The following MTFR1 variants were observed in gnomAD, a reference collection of about 807,000 sequenced individuals.
MTFR1 encodes the protein mitochondrial fission regulator 1.
Under a neutral mutation model 38.8 loss-of-function variants are expected in MTFR1, and 28 were observed. The ratio of observed to expected loss-of-function variants is 0.72; its 90% confidence interval spans 0.53 to 0.99. The LOEUF (loss-of-function observed/expected upper bound fraction) is 0.99. Among genes scored for constraint, MTFR1 ranks in the 50% least tolerant of loss-of-function variants. The probability of loss-of-function intolerance (pLI) is 0.00; values close to 1 mark genes in which losing one functional copy is unlikely to be tolerated. For missense variants in MTFR1, 358 were observed against 395.5 expected (o/e 0.91, Z 0.81); for synonymous variants, 145 against 137.0 (o/e 1.06, Z -0.41).
intron 1 of MTFR1, among the ~76,000 whole-genome samples, chr8:65,650,689 C>A (rs975398573): frequency 2.0e-5 from 3 of 152,118 alleles, no homozygotes; most frequent in Non-Finnish European, 4.4e-5. Flanking sequence ...TTTTCTTTAT[C>A]CATTTGTCTG....
chr8:65,688,654 C>T (rs1805175053), intron 3 of MTFR1, among the ~76,000 whole-genome samples: 1 of 150,116 alleles, frequency 6.7e-6, no homozygotes, highest in Non-Finnish European at 1.5e-5. Flanking sequence ...CCATGTTAGC[C>T]AGGATGGTCT....
chr8:65,693,853 A>T, intron 4 of MTFR1, 94 bp downstream of exon 4: 1 of 864,982 alleles, frequency 1.2e-6, no homozygotes, highest in South Asian at 1.5e-5. Flanking sequence ...GCCTAATTTT[A>T]TCTCTAGTAA....
chr8:65,651,146 G>A (rs1009697939), intron 1 of MTFR1, among the ~76,000 whole-genome samples: 1 of 152,136 alleles, frequency 6.6e-6, no homozygotes, highest in Non-Finnish European at 1.5e-5. Context: ...TAGATTATTC[G>A]ATTTCTTTCC....
At chr8:65,653,591 C>T (rs917286334) in intron 1 of MTFR1, among the ~76,000 whole-genome samples, 3 of 152,128 alleles carry the variant, frequency 2.0e-5, no homozygotes. Context: ...TGACAAAACT[C>T]ATAAACCAAG....
chr8:65,661,033 A>C (rs556638416), intron 1 of MTFR1, among the ~76,000 whole-genome samples: 1 of 152,354 alleles, frequency 6.6e-6, no homozygotes, highest in East Asian at 1.9e-4. Context: ...CTATGGAGAC[A>C]ATAAAAGGAT....
intron 4 of MTFR1, among the ~76,000 whole-genome samples, chr8:65,694,275 A>G (rs924758165): frequency 1.3e-5 from 2 of 151,842 alleles, no homozygotes; most frequent in South Asian, 2.1e-4. Flanking sequence ...GGGTTTCGCC[A>G]TGTTAGCCAG....
At chr8:65,678,014 C>CA (rs1328897906) in intron 2 of MTFR1, among the ~76,000 whole-genome samples, 9,807 of 78,074 alleles carry the variant, frequency 0.13, 446 homozygotes, top group African/African-American at 0.19. Flanking sequence ...GACTCTGTCT[C>CA]AAAAAAAAAA....
chr8:65,707,804 T>C (rs756806680), intron 6 of MTFR1, 39 bp from the exon 7 acceptor site: 14 of 1,601,410 alleles, frequency 8.7e-6, no homozygotes, highest in Non-Finnish European at 1.2e-5. Context: ...GTGGCCAGTG[T>C]ATTGATCTGT....
chr8:65,764,806 CAT>C (rs2128916638), intron 3 of MTFR1, among the ~76,000 whole-genome samples: 1 of 152,276 alleles, frequency 6.6e-6, no homozygotes, highest in Non-Finnish European at 1.5e-5. Context: ...ATCAAATACA[CAT>C]GAGGAACTAA....
intron 2 of MTFR1, among the ~76,000 whole-genome samples, chr8:65,672,354 A>G (rs960305333): frequency 6.6e-6 from 1 of 152,200 alleles, no homozygotes; most frequent in Non-Finnish European, 1.5e-5. Context: ...TCAAGATTTT[A>G]TATTTGGGCA....
At chr8:65,775,938 T>C (rs1809248891), downstream of MTFR1, among the ~76,000 whole-genome samples, 1 of 152,202 alleles carries the variant, frequency 6.6e-6, no homozygotes, top group African/African-American at 2.4e-5. Context: ...TCTTCCCTTT[T>C]CTTTGTAGCA....
intron 3 of MTFR1, chr8:65,739,613 A>C (rs1807316782): frequency 6.6e-7 from 1 of 1,503,832 alleles, no homozygotes; most frequent in African/African-American, 1.4e-5. Context: ...AAGAAAGAAG[A>C]GACATTACAT....
intron 1 of MTFR1, among the ~76,000 whole-genome samples, chr8:65,653,419 C>T (rs1395736610): frequency 6.6e-6 from 1 of 151,940 alleles, no homozygotes; most frequent in Non-Finnish European, 1.5e-5. Context: ...GGCTGAGGCC[C>T]AAGAATCGCT....
the MTFR1 span, among the ~76,000 whole-genome samples, chr8:65,777,305 C>T: frequency 6.6e-6 from 1 of 151,898 alleles, no homozygotes; most frequent in Non-Finnish European, 1.5e-5. Flanking sequence ...TCTCGAACTC[C>T]CGACCTCAGA....
chr8:65,703,268 C>G (rs1214441499), intron 4 of MTFR1, among the ~76,000 whole-genome samples: 2 of 151,696 alleles, frequency 1.3e-5, no homozygotes, highest in African/African-American at 4.8e-5. Context: ...CACCTATAGT[C>G]CTAGCTACTC....
chr8:65,736,914 G>A (rs1221921761), intron 3 of MTFR1, among the ~76,000 whole-genome samples: 1 of 138,492 alleles, frequency 7.2e-6, no homozygotes, highest in Non-Finnish European at 1.5e-5. Flanking sequence ...ATGGAGTCTC[G>A]CCCTGCTGCC....
intron 1 of MTFR1, among the ~76,000 whole-genome samples, chr8:65,660,274 G>C (rs1310234258): frequency 6.9e-6 from 1 of 144,364 alleles, no homozygotes; most frequent in East Asian, 2.0e-4. Flanking sequence ...CTGGGCAACA[G>C]GAGTGAAACT....
chr8:65,684,585 G>A (rs961487636), intron 3 of MTFR1, among the ~76,000 whole-genome samples: 10 of 151,474 alleles, frequency 6.6e-5, no homozygotes, highest in African/African-American at 1.7e-4. Flanking sequence ...GGGTTTCTCC[G>A]TGTTGGCCAG....
downstream of MTFR1, among the ~76,000 whole-genome samples, chr8:65,715,456 C>G (rs1158275132): frequency 6.6e-6 from 1 of 151,310 alleles, no homozygotes; most frequent in African/African-American, 2.4e-5. Context: ...CTGCTCCTTG[C>G]AACCTCCGCC....
Sources: gnomAD v4.1 joint callset for allele counts (sites outside exome capture counted in the v4.1 genomes callset) on GRCh38, gnomAD v4.1.1 for gene constraint, MANE v1.5 for transcripts, NCBI Gene and HGNC (gene_info 2026-07-23, HGNC 2026-07-21) for gene names.